The following ADGRL2 variants were observed in gnomAD, a reference collection of about 807,000 sequenced individuals.
The protein encoded by ADGRL2 is adhesion G protein-coupled receptor L2.
In ADGRL2, 44 loss-of-function variants were observed where a neutral mutation model predicts 157.4. The observed-to-expected ratio is 0.28, with a 90% CI of 0.22 to 0.36. The LOEUF (loss-of-function observed/expected upper bound fraction) is 0.36. Ranked by LOEUF, ADGRL2 falls within the 10% of genes least tolerant of loss-of-function variation. The pLI is 1.00. For missense variants in ADGRL2, 1,510 were observed against 1,768.9 expected (o/e 0.85, Z 2.63); for synonymous variants, 585 against 624.7 (o/e 0.94, Z 0.95).
At chr1:81,789,673 C>T (rs1300844948) in intron 2 of ADGRL2, among the ~76,000 whole-genome samples, 4 of 134,676 alleles carry the variant, frequency 3.0e-5, no homozygotes, top group East Asian at 2.1e-4. Context: ...TTGCAGTGAG[C>T]GCCTGGTGAC....
intron 2 of ADGRL2, among the ~76,000 whole-genome samples, chr1:81,792,410 A>T (rs2087392999): frequency 6.6e-6 from 1 of 152,168 alleles, no homozygotes; most frequent in African/African-American, 2.4e-5. Flanking sequence ...TGTATTTCTT[A>T]TGTGATATTG....
intron 23 of ADGRL2, 32 bp from the exon 24 acceptor site, chr1:81,990,359 C>G: frequency 1.3e-6 from 2 of 1,595,102 alleles, no homozygotes; most frequent in Non-Finnish European, 1.7e-6. Flanking sequence ...GGAACAGAGA[C>G]AGTAATGATA....
rs1662202931 is a variant in ADGRL2, at chr1:81,343,089, TTTC to T, written c.-302+36583_-302+36585del. Among the ~76,000 whole-genome samples the T allele has an allele frequency of 4.8e-5, 6 of 124,796 alleles. No homozygotes were observed. In the South Asian group the frequency reaches 1.6e-3, roughly 34 times the overall value. The allele number at this position is 124,796 out of a possible 152,430, so 81.9% of individuals were successfully genotyped here. On this transcript the variant is annotated intron_variant, in intron 1 of 24. Coordinates refer to the ADGRL2 transcript ENST00000370721. ...TTTCTTTTCTTTTTTTCTTTTTTCT[TTTC>T]TTTTTTTTTTTTTTGAGACAGAATC... is the stretch of plus-strand genomic sequence containing the variant.
chr1:81,752,725 G>C (rs2085530911), intron 1 of ADGRL2, among the ~76,000 whole-genome samples: 1 of 152,132 alleles, frequency 6.6e-6, no homozygotes, highest in Admixed American at 6.6e-5. Flanking sequence ...ATGTTGCTGG[G>C]ATACAGCCAT....
At chr1:81,681,626 A>G (rs2083115840) in intron 3 of ADGRL2, among the ~76,000 whole-genome samples, 3 of 152,198 alleles carry the variant, frequency 2.0e-5, no homozygotes, top group African/African-American at 7.2e-5. Flanking sequence ...AATCTGTGTA[A>G]CTTGTTTCTG....
chr1:81,444,429 T>A (rs894554046), intron 1 of ADGRL2, among the ~76,000 whole-genome samples: 1 of 152,208 alleles, frequency 6.6e-6, no homozygotes, highest in African/African-American at 2.4e-5. Flanking sequence ...TGAGTTGATA[T>A]TAACTCTATA....
At chr1:81,932,688 G>C (rs1456471019) in intron 3 of ADGRL2, among the ~76,000 whole-genome samples, 1 of 151,804 alleles carries the variant, frequency 6.6e-6, no homozygotes, top group Non-Finnish European at 1.5e-5. Context: ...TTAATAATTT[G>C]TATTTCTTTT....
intron 2 of ADGRL2, among the ~76,000 whole-genome samples, chr1:81,771,071 G>A (rs1000786914): frequency 6.6e-6 from 1 of 151,980 alleles, no homozygotes; most frequent in African/African-American, 2.4e-5. Flanking sequence ...CTAGTAACTA[G>A]ACCTCTAGTC....
intron 3 of ADGRL2, among the ~76,000 whole-genome samples, chr1:81,663,802 T>C (rs989105613): frequency 3.3e-5 from 5 of 152,178 alleles, no homozygotes; most frequent in East Asian, 1.9e-4. Context: ...AGCATGATAA[T>C]GGAAGAGAAT....
intron 2 of ADGRL2, among the ~76,000 whole-genome samples, chr1:81,793,156 T>C (rs2087429685): frequency 6.6e-6 from 1 of 152,094 alleles, no homozygotes; most frequent in Admixed American, 6.5e-5. Flanking sequence ...TAGACTCCAC[T>C]GAAATTCAAT....
chr1:81,891,585 A>G (rs919799382), intron 2 of ADGRL2, among the ~76,000 whole-genome samples: 4 of 152,026 alleles, frequency 2.6e-5, no homozygotes, highest in African/African-American at 9.7e-5. Flanking sequence ...TTACATGTTT[A>G]TTTCCTACTT....
At chr1:81,322,205 C>T (rs988196122) in intron 1 of ADGRL2, among the ~76,000 whole-genome samples, 11 of 149,538 alleles carry the variant, frequency 7.4e-5, no homozygotes, top group Admixed American at 2.7e-4. Context: ...TATATATATA[C>T]GCACACACTG....
chr1:81,380,778 T>TTGG (rs938025403), intron 1 of ADGRL2, among the ~76,000 whole-genome samples: 2 of 152,128 alleles, frequency 1.3e-5, no homozygotes, highest in African/African-American at 4.8e-5. Flanking sequence ...TATAATGTAT[T>TTGG]TGGTGGTGGT....
At chr1:81,892,470 C>A (rs1263147337) in intron 2 of ADGRL2, among the ~76,000 whole-genome samples, 1 of 152,036 alleles carries the variant, frequency 6.6e-6, no homozygotes, top group East Asian at 1.9e-4. Flanking sequence ...AGATTGTGTT[C>A]TTATTTCATT....
At chr1:81,823,338 T>TC (rs2091174179) in intron 1 of ADGRL2, among the ~76,000 whole-genome samples, 1 of 148,248 alleles carries the variant, frequency 6.7e-6, no homozygotes, top group South Asian at 2.2e-4. Flanking sequence ...CTTCCTTCCT[T>TC]CTTCCCTCCC....
At chr1:81,570,996 G>T (rs572970972) in intron 2 of ADGRL2, among the ~76,000 whole-genome samples, 2 of 152,216 alleles carry the variant, frequency 1.3e-5, no homozygotes, top group Admixed American at 6.5e-5. Flanking sequence ...GAATAGGCAT[G>T]ACTGTATTCC....
chr1:81,784,456 AG>A (rs2086943799), intron 2 of ADGRL2, among the ~76,000 whole-genome samples: 1 of 152,164 alleles, frequency 6.6e-6, no homozygotes, highest in African/African-American at 2.4e-5. Flanking sequence ...GGCTAGGTGC[AG>A]TGGCTCATGC....
intron 2 of ADGRL2, among the ~76,000 whole-genome samples, chr1:81,481,486 T>C (rs2078386173): frequency 6.6e-6 from 1 of 152,150 alleles, no homozygotes; most frequent in Non-Finnish European, 1.5e-5. Context: ...GCGCAGAAGC[T>C]CCCAGGCAGG....
chr1:81,353,078 T>C (rs11163259), intron 1 of ADGRL2, among the ~76,000 whole-genome samples: 90,865 of 152,024 alleles, frequency 0.6, 27,775 homozygotes, highest in African/African-American at 0.7. Context: ...TGCATATATA[T>C]GTACGTTAAT....
Sources: allele counts gnomAD v4.1 joint callset (sites outside exome capture counted in the v4.1 genomes callset), GRCh38; gene constraint gnomAD v4.1.1; transcripts MANE v1.5; gene names NCBI Gene and HGNC (gene_info 2026-07-23, HGNC 2026-07-21).